Variants in COLEC12 observed in about 807,000 individuals in gnomAD.
COLEC12 encodes the protein collectin subfamily member 12, also known as collectin-12.
Under a neutral mutation model 71.1 loss-of-function variants are expected in COLEC12, and 33 were observed. That is an observed-to-expected ratio of 0.46 (90% confidence interval 0.35 to 0.62). COLEC12 has a LOEUF of 0.62. COLEC12 is among the 20% of genes least tolerant of loss of function. COLEC12 has a pLI of 0.00. For synonymous variants in COLEC12, 350 were observed against 353.0 expected (o/e 0.99, Z 0.10); for missense variants, 765 against 916.1 (o/e 0.84, Z 2.13).
chr18:450,120 C>T (rs1352746196), intron 2 of COLEC12, among the ~76,000 whole-genome samples: 1 of 152,188 alleles, frequency 6.6e-6, no homozygotes, highest in Non-Finnish European at 1.5e-5. Flanking sequence ...AACACTGATA[C>T]ACAACAAAGT....
intron 1 of COLEC12, among the ~76,000 whole-genome samples, chr18:495,136 T>G (rs1177650371): frequency 6.6e-6 from 1 of 152,190 alleles, no homozygotes; most frequent in Non-Finnish European, 1.5e-5. Flanking sequence ...CAGCAGGACC[T>G]TTTTGAGGTA....
intron 2 of COLEC12, among the ~76,000 whole-genome samples, chr18:367,394 G>C (rs541839197): frequency 9.9e-5 from 15 of 152,058 alleles, no homozygotes; most frequent in Non-Finnish European, 1.5e-4. Context: ...CTAGTGTTTT[G>C]ATGGGGAAAA....
intron 2 of COLEC12, among the ~76,000 whole-genome samples, chr18:383,067 T>A (rs1915269810): frequency 6.6e-6 from 1 of 152,180 alleles, no homozygotes; most frequent in African/African-American, 2.4e-5. Flanking sequence ...CCAACGGGAC[T>A]CTGTCATTTT....
At chr18:406,637 GACTC>G (rs1435862432) in intron 2 of COLEC12, among the ~76,000 whole-genome samples, 3 of 151,898 alleles carry the variant, frequency 2.0e-5, no homozygotes, top group African/African-American at 7.3e-5. Flanking sequence ...TTACTCTATG[GACTC>G]ACTCTGAATT....
intron 2 of COLEC12, among the ~76,000 whole-genome samples, chr18:471,654 AAAT>A (rs565412677): frequency 4.6e-5 from 7 of 151,072 alleles, no homozygotes; most frequent in Admixed American, 1.3e-4. Flanking sequence ...CAGATTATAT[AAAT>A]AATAATATAA....
intron 2 of COLEC12, among the ~76,000 whole-genome samples, chr18:452,559 T>G (rs1283929385): frequency 1.3e-5 from 2 of 152,176 alleles, no homozygotes; most frequent in African/African-American, 2.4e-5. Context: ...CAAAGAGCAT[T>G]TGGTTAAGAA....
At chr18:416,070 G>A (rs1221126867) in intron 2 of COLEC12, among the ~76,000 whole-genome samples, 2 of 152,138 alleles carry the variant, frequency 1.3e-5, no homozygotes, top group Non-Finnish European at 2.9e-5. Flanking sequence ...GCTAGTAGAT[G>A]TGGGTGAAAT....
chr18:498,377 T>TTTTTTTTTG (rs1178071975), intron 1 of COLEC12, among the ~76,000 whole-genome samples: 2 of 138,308 alleles, frequency 1.4e-5, no homozygotes, highest in African/African-American at 2.9e-5. Context: ...TTTTTTTTTT[T>TTTTTTTTTG]AGACGGAGTC....
In COLEC12 at chr18:424,726, A is replaced by C. The variant is rs541058314; in HGVS notation, c.58+55981T>G. Reference sequence around the variant, plus strand: ...TCTGCTGACCTGGCCTCAGCTGGTCAATAAGTCACTCGTCAATGTACTGGC... The same window carrying C: ...TCTGCTGACCTGGCCTCAGCTGGTCCATAAGTCACTCGTCAATGTACTGGC... On this transcript the variant is annotated intron_variant, in intron 2 of 9. Transcript: ENST00000400256. Among the ~76,000 whole-genome samples the C allele has an allele frequency of 8.5e-5, 13 of 152,304 alleles. No homozygotes were observed. The South Asian group carries it at 2.7e-3, about 32-fold the overall frequency.
At chr18:474,125 T>A (rs1917257442) in intron 2 of COLEC12, among the ~76,000 whole-genome samples, 1 of 152,232 alleles carries the variant, frequency 6.6e-6, no homozygotes. Context: ...AATTTTGGGA[T>A]GCTGGAGTAT....
chr18:410,285 G>A (rs1915867335), intron 2 of COLEC12, among the ~76,000 whole-genome samples: 1 of 152,186 alleles, frequency 6.6e-6, no homozygotes, highest in Non-Finnish European at 1.5e-5. Flanking sequence ...TGTAGAAGAT[G>A]AAGTGGACAC....
At chr18:364,014 GA>G (rs1914803772) in intron 2 of COLEC12, among the ~76,000 whole-genome samples, 1 of 152,088 alleles carries the variant, frequency 6.6e-6, no homozygotes, top group East Asian at 1.9e-4. Flanking sequence ...GTTCAAACCG[GA>G]AAAGTTACTT....
chr18:489,622 A>G (rs557761741), intron 1 of COLEC12, among the ~76,000 whole-genome samples: 1 of 152,348 alleles, frequency 6.6e-6, no homozygotes, highest in Non-Finnish European at 1.5e-5. Flanking sequence ...TGTATATATG[A>G]GGAGCTAAAA....
chr18:366,420 TACTA>T lies in COLEC12; in HGVS notation c.59-8902_59-8899del, dbSNP rs554785795. Among the ~76,000 whole-genome samples, 781 of 152,342 alleles carry T rather than the reference TACTA, an allele frequency of 5.1e-3. 4 individuals carry two copies. Among genetic ancestry groups the T allele is most frequent in the South Asian group, 0.013 (61 of 4,828 alleles). ...TTCTCTTCCCTGAAACGCTCTTCCC[TACTA>T]ACTAACTTCCTTTGTGCTTACTCAC... On this transcript the variant is annotated intron_variant, in intron 2 of 9. Transcript: ENST00000400256.
chr18:366,658 A>G (rs918221494), intron 2 of COLEC12, among the ~76,000 whole-genome samples: 2 of 152,190 alleles, frequency 1.3e-5, no homozygotes, highest in Non-Finnish European at 2.9e-5. Context: ...CGGCTTAACA[A>G]AGGCATGACT....
chr18:321,484 TGAA>T (rs1398807913), intron 9 of COLEC12, among the ~76,000 whole-genome samples, 175 bp downstream of exon 9: 8 of 152,248 alleles, frequency 5.3e-5, no homozygotes, highest in African/African-American at 1.7e-4. Flanking sequence ...CACAACCTCG[TGAA>T]GAAGATGCTA....
intron 3 of COLEC12, among the ~76,000 whole-genome samples, chr18:349,518 C>T (rs1914461357): frequency 6.6e-6 from 1 of 152,222 alleles, no homozygotes; most frequent in East Asian, 1.9e-4. Flanking sequence ...AGCCCCCACA[C>T]AGAGTCCCTA....
rs1358652827 is a variant in COLEC12, at chr18:357,490, T to C, written c.91A>G (p.Lys31Glu). 3 of 1,590,802 alleles carry C rather than the reference T, an allele frequency of 1.9e-6. No homozygotes were observed. The South Asian group carries it at 3.5e-5, about 18-fold the overall frequency. Residue 31 changes from lysine to glutamate, a missense_variant, in exon 3 of 10, where the codon AAA becomes GAA. Coordinates refer to ENST00000400256, the MANE Select transcript of COLEC12 (RefSeq NM_130386.3). ...IQEGTQCTKC[K>E]NNWALKFSII... is the part of the protein sequence containing the mutation. ...GAAAACTTCAGTGCCCAGTTATTTT[T>C]ACATTTGGTACATTGTGTTCCTTCC...
At chr18:420,787 C>T (rs1400060683) in intron 2 of COLEC12, among the ~76,000 whole-genome samples, 1 of 151,614 alleles carries the variant, frequency 6.6e-6, no homozygotes, top group Non-Finnish European at 1.5e-5. Flanking sequence ...GGAGAGACTA[C>T]ACCTCCCTCC....
Sources: gnomAD v4.1 joint callset for allele counts (sites outside exome capture counted in the v4.1 genomes callset) on GRCh38, gnomAD v4.1.1 for gene constraint, MANE v1.5 for transcripts, NCBI Gene and HGNC (gene_info 2026-07-23, HGNC 2026-07-21) for gene names.